TMEM135: variants seen among roughly 807,000 people sequenced by gnomAD.
The protein encoded by TMEM135 is transmembrane protein 135.
In TMEM135, 30 loss-of-function variants were observed where a neutral mutation model predicts 60.3. The observed-to-expected ratio is 0.50, with a 90% confidence interval of 0.37 to 0.68. The LOEUF (loss-of-function observed/expected upper bound fraction) is 0.68, where lower values mean the gene tolerates loss of function less well. TMEM135 is among the 30% of genes least tolerant of loss of function. TMEM135 has a pLI of 0.00. For synonymous variants in TMEM135, 190 were observed against 186.7 expected, an observed-to-expected ratio of 1.02 and a Z score of -0.14; for missense variants, 468 against 548.8, an observed-to-expected ratio of 0.85 and a Z score of 1.47.
chr11:87,084,573 A>C (rs958919949), intron 3 of TMEM135, among the ~76,000 whole-genome samples: 1 of 152,164 alleles, frequency 6.6e-6, no homozygotes, highest in Non-Finnish European at 1.5e-5. Flanking sequence ...CTGGGATTAC[A>C]TGTATGAGGC....
chr11:87,157,302 G>T (rs372202362), intron 4 of TMEM135, 39 bp from the exon 5 acceptor site: 3 of 1,546,360 alleles, frequency 1.9e-6, no homozygotes, highest in Non-Finnish European at 2.7e-6. Flanking sequence ...AGAGATTGTA[G>T]ATCATATATT....
At chr11:87,321,093 G>A (rs989181908) in intron 14 of TMEM135, 108 bp from the exon 15 acceptor site, 111 of 1,016,692 alleles carry the variant, frequency 1.1e-4, no homozygotes, top group East Asian at 4.0e-4. Flanking sequence ...CCTTTGCCAC[G>A]TTAGCCTTTT....
chr11:87,065,729 A>C (rs1338344725), intron 1 of TMEM135, among the ~76,000 whole-genome samples: 1 of 152,212 alleles, frequency 6.6e-6, no homozygotes, highest in Non-Finnish European at 1.5e-5. Context: ...CAAGTCTAAG[A>C]ATGCATTGTC....
chr11:87,182,129 T>C (rs561181240), intron 5 of TMEM135, among the ~76,000 whole-genome samples: 1 of 152,178 alleles, frequency 6.6e-6, no homozygotes, highest in East Asian at 1.9e-4. Context: ...AGTTTCTACT[T>C]ATTGCCTTTT....
Position 87,325,887 on chromosome 11 carries a change from T to G in TMEM135, c.*4554T>G, listed in dbSNP as rs771231015. ...TCCTATTTTCTTTTACTTTCTCCAT[T>G]TTTTTTCCATCTGTCCCTCCTACGA... On this transcript the variant is annotated 3_prime_UTR_variant, in exon 15 of 15. Coordinates refer to ENST00000305494, the MANE Select transcript of TMEM135 (RefSeq NM_022918.4). 5.1e-5 allele frequency: 23 copies of G among 453,866 alleles called. No individual in the cohort carries two copies. The highest frequency in any genetic ancestry group is 3.4e-4 in the South Asian group (22 of 64,470). The allele number at this position is 453,866 out of a possible 1,614,324, so 28.1% of individuals were successfully genotyped here.
intron 5 of TMEM135, among the ~76,000 whole-genome samples, chr11:87,231,195 G>A (rs984333577): frequency 3.3e-5 from 5 of 152,114 alleles, no homozygotes; most frequent in Admixed American, 3.3e-4. Flanking sequence ...GACCATGCTG[G>A]ATAGAGTTCA....
chr11:87,041,603 A>G (rs1949750724), intron 1 of TMEM135, among the ~76,000 whole-genome samples: 1 of 152,230 alleles, frequency 6.6e-6, no homozygotes, highest in Admixed American at 6.5e-5. Context: ...GATTGTACCC[A>G]TTTTTTAAGG....
chr11:87,054,952 A>G (rs1293530736), intron 1 of TMEM135, among the ~76,000 whole-genome samples: 3 of 152,076 alleles, frequency 2.0e-5, no homozygotes, highest in African/African-American at 7.2e-5. Flanking sequence ...TCTCTTATCT[A>G]CCCTTATTTC....
At chr11:87,250,962 A>G (rs771374356) in intron 6 of TMEM135, among the ~76,000 whole-genome samples, 1 of 152,164 alleles carries the variant, frequency 6.6e-6, no homozygotes, top group Non-Finnish European at 1.5e-5. Flanking sequence ...ACTTATGGCA[A>G]TGATACGGTG....
chr11:87,185,242 T>C (rs1320196664), intron 5 of TMEM135, among the ~76,000 whole-genome samples: 15 of 152,174 alleles, frequency 9.9e-5, no homozygotes, highest in Admixed American at 9.8e-4. Flanking sequence ...GTTCACATTT[T>C]CCCAGTCACC....
intron 5 of TMEM135, among the ~76,000 whole-genome samples, chr11:87,225,462 C>T (rs1190297856): frequency 6.6e-6 from 1 of 151,864 alleles, no homozygotes; most frequent in African/African-American, 2.4e-5. Context: ...CTGAGATTCT[C>T]CTCACTCCCT....
chr11:87,179,552 C>A (rs907416185), intron 5 of TMEM135, among the ~76,000 whole-genome samples: 1 of 152,018 alleles, frequency 6.6e-6, no homozygotes, highest in Admixed American at 6.6e-5. Flanking sequence ...TCTGGTTTCT[C>A]TTCAGATCAT....
intron 10 of TMEM135, among the ~76,000 whole-genome samples, chr11:87,310,388 A>G (rs1286473104): frequency 1.3e-5 from 2 of 152,142 alleles, no homozygotes; most frequent in Non-Finnish European, 2.9e-5. Flanking sequence ...CTAAATCTGA[A>G]TATAATCTCT....
chr11:87,144,663 A>T (rs1171630912), intron 4 of TMEM135, among the ~76,000 whole-genome samples: 1 of 149,180 alleles, frequency 6.7e-6, no homozygotes, highest in African/African-American at 2.5e-5. Flanking sequence ...TTTGGAATTC[A>T]CTCTATCTAA....
intron 1 of TMEM135, among the ~76,000 whole-genome samples, chr11:87,044,939 G>A (rs879443108): frequency 1.3e-4 from 19 of 147,876 alleles, no homozygotes; most frequent in Non-Finnish European, 2.1e-4. Context: ...AAGCCACCAC[G>A]CCCGGCCGTC....
intron 5 of TMEM135, among the ~76,000 whole-genome samples, chr11:87,177,405 A>G (rs1939402094): frequency 6.6e-6 from 1 of 152,190 alleles, no homozygotes; most frequent in Non-Finnish European, 1.5e-5. Flanking sequence ...AGAATACAGA[A>G]TGAAGAAATA....
intron 6 of TMEM135, chr11:87,258,975 A>G: frequency 9.2e-6 from 14 of 1,528,402 alleles, no homozygotes; most frequent in Non-Finnish European, 1.2e-5. Flanking sequence ...TCTCAGTCTC[A>G]AAGACAACGG....
chr11:87,108,412 T>G (rs1353798371), intron 4 of TMEM135, among the ~76,000 whole-genome samples: 1 of 152,200 alleles, frequency 6.6e-6, no homozygotes, highest in Non-Finnish European at 1.5e-5. Flanking sequence ...CATTTAAGTC[T>G]TTAATCCAAT....
Position 87,252,309 on chromosome 11 carries a change from G to T in TMEM135, c.509+15625G>T, listed in dbSNP as rs185651624. Among the ~76,000 whole-genome samples, 288 of 152,116 alleles carry T rather than the reference G, an allele frequency of 1.9e-3. 1 individual carries two copies. In the Middle Eastern group the frequency reaches 0.024, roughly 13 times the overall value. ...CATTTAGGGGTAGATTATTAAAATT[G>T]TCTGGGAAAAATTATTATAAATGAT... is the stretch of plus-strand genomic sequence containing the variant. On this transcript the variant is annotated intron_variant, in intron 6 of 14. Transcript: ENST00000305494.
Sources: allele counts gnomAD v4.1 joint callset (sites outside exome capture counted in the v4.1 genomes callset), GRCh38; gene constraint gnomAD v4.1.1; transcripts MANE v1.5; gene names NCBI Gene and HGNC (gene_info 2026-07-23, HGNC 2026-07-21).